The following UBR3 variants were observed in gnomAD, a reference collection of about 807,000 sequenced individuals.
The protein encoded by UBR3 is ubiquitin protein ligase E3 component n-recognin 3.
A neutral mutation model predicts 243.2 loss-of-function variants in UBR3; 85 were observed. The ratio of observed to expected loss-of-function variants is 0.35; its 90% CI spans 0.29 to 0.42. The LOEUF (loss-of-function observed/expected upper bound fraction) is 0.42. Ranked by LOEUF, UBR3 falls within the 10% of genes least tolerant of loss-of-function variation. The pLI, the probability that UBR3 is intolerant of heterozygous loss-of-function variation, is 1.00. For synonymous variants in UBR3, 748 were observed against 799.8 expected, an observed-to-expected ratio of 0.94 and a Z score of 1.09; for missense variants, 1,686 against 2,300.8, an observed-to-expected ratio of 0.73 and a Z score of 5.47.
intron 8 of UBR3, among the ~76,000 whole-genome samples, chr2:169,898,796 G>C (rs549290375): frequency 1.3e-5 from 2 of 149,670 alleles, no homozygotes; most frequent in Admixed American, 6.7e-5. Flanking sequence ...CTGCCTCCCA[G>C]GTTCACGCCA....
intron 5 of UBR3, among the ~76,000 whole-genome samples, chr2:169,890,135 C>CT (rs2084269652): frequency 6.6e-6 from 1 of 152,114 alleles, no homozygotes; most frequent in South Asian, 2.1e-4. Flanking sequence ...GGAAAAAACT[C>CT]TGAGTTCTGC....
rs536287197 is a variant in UBR3, at chr2:169,943,191, G to T, written c.2805+557G>T. Among the ~76,000 whole-genome samples the T allele has an allele frequency of 3.3e-5, 5 of 152,316 alleles. No individual in the cohort carries two copies. The East Asian group carries it at 9.6e-4, about 29-fold the overall frequency. ...TTGTTTTATTTTGGGATCTTCTCACGTAAGACAGATTTATTTGACTAACAT... is the reference window on the plus strand; with the variant it reads ...TTGTTTTATTTTGGGATCTTCTCACTTAAGACAGATTTATTTGACTAACAT... On this transcript the variant is annotated intron_variant, in intron 20 of 38. Transcript: ENST00000272793.
intron 35 of UBR3, among the ~76,000 whole-genome samples, chr2:170,071,438 G>T (rs555878511): frequency 6.6e-6 from 1 of 152,192 alleles, no homozygotes; most frequent in Non-Finnish European, 1.5e-5. Flanking sequence ...ATCAGTGGCT[G>T]TTTGGGTCCA....
chr2:169,922,288 T>TA (rs748782463), intron 11 of UBR3, among the ~76,000 whole-genome samples: 1,712 of 122,722 alleles, frequency 0.014, 22 homozygotes, highest in African/African-American at 0.038. Context: ...CCTGTCTATT[T>TA]AAAAAAAAAA....
chr2:170,041,303 G>A (rs199596222), intron 32 of UBR3, among the ~76,000 whole-genome samples: 1 of 152,130 alleles, frequency 6.6e-6, no homozygotes, highest in Non-Finnish European at 1.5e-5. Flanking sequence ...CAATGAAAAA[G>A]TGTTTTTTAA....
At chr2:169,998,697 C>T (rs1325134583) in intron 26 of UBR3, among the ~76,000 whole-genome samples, 1 of 152,174 alleles carries the variant, frequency 6.6e-6, no homozygotes, top group African/African-American at 2.4e-5. Flanking sequence ...ACTGTAGATT[C>T]TACTGTCTTC....
intron 8 of UBR3, among the ~76,000 whole-genome samples, chr2:169,903,689 A>G (rs974043545): frequency 6.6e-6 from 1 of 152,158 alleles, no homozygotes; most frequent in African/African-American, 2.4e-5. Context: ...TGACAGGTAG[A>G]TAGGTAGTTG....
chr2:169,956,418 G>A (rs953273825), intron 23 of UBR3, among the ~76,000 whole-genome samples: 3 of 151,802 alleles, frequency 2.0e-5, no homozygotes, highest in African/African-American at 7.3e-5. Context: ...GACACTCTGT[G>A]CTAGGACATG....
chr2:169,895,949 A>G (rs10179007), intron 7 of UBR3, among the ~76,000 whole-genome samples: 232 of 151,490 alleles, frequency 1.5e-3, no homozygotes, highest in African/African-American at 5.3e-3. Context: ...GTGTGTCTTT[A>G]TATCTGCTAA....
chr2:170,027,442 G>A (rs2090559558), intron 30 of UBR3, among the ~76,000 whole-genome samples: 1 of 151,650 alleles, frequency 6.6e-6, no homozygotes, highest in African/African-American at 2.4e-5. Flanking sequence ...CATTTTGAAA[G>A]TCTTAAATTA....
At chr2:169,881,212 C>G (rs1052996176) in intron 5 of UBR3, among the ~76,000 whole-genome samples, 2 of 151,980 alleles carry the variant, frequency 1.3e-5, no homozygotes, top group African/African-American at 4.8e-5. Context: ...TAGAGTCTTG[C>G]TACATTGCTC....
chr2:169,865,250 C>T (rs570286748), intron 1 of UBR3, among the ~76,000 whole-genome samples: 1 of 152,204 alleles, frequency 6.6e-6, no homozygotes, highest in Admixed American at 6.5e-5. Flanking sequence ...TGGGCTCAGG[C>T]AATCTTCCTG....
At chr2:170,058,815 C>T (rs1224197592) in intron 33 of UBR3, among the ~76,000 whole-genome samples, 1 of 152,130 alleles carries the variant, frequency 6.6e-6, no homozygotes, top group African/African-American at 2.4e-5. Context: ...CATGCCCAGC[C>T]TACTAGAATT....
intron 17 of UBR3, among the ~76,000 whole-genome samples, chr2:169,928,031 G>A (rs374778723): frequency 5.2e-4 from 79 of 152,260 alleles, no homozygotes; most frequent in African/African-American, 1.7e-3. Context: ...TATATCTTAT[G>A]ACTATGTTTG....
chr2:169,881,747 A>G (rs1315778158), intron 5 of UBR3, among the ~76,000 whole-genome samples: 1 of 139,144 alleles, frequency 7.2e-6, no homozygotes, highest in African/African-American at 2.6e-5. Flanking sequence ...TATATAATAT[A>G]TATTATATAT....
At chr2:169,946,003 G>A (rs12692927) in intron 20 of UBR3, among the ~76,000 whole-genome samples, 112,623 of 152,054 alleles carry the variant, frequency 0.74, 43,038 homozygotes, top group East Asian at 0.88. Flanking sequence ...CATTTGCATG[G>A]ATTATCCTAT....
chr2:169,905,048 G>A, intron 8 of UBR3, 66 bp from the exon 9 acceptor site: 1 of 1,323,950 alleles, frequency 7.6e-7, no homozygotes, highest in Non-Finnish European at 9.9e-7. Flanking sequence ...TATATATTCT[G>A]TATTATTGGT....
chr2:170,022,247 T>C (rs2090411435), intron 30 of UBR3, among the ~76,000 whole-genome samples: 2 of 149,778 alleles, frequency 1.3e-5, no homozygotes, highest in African/African-American at 5.0e-5. Flanking sequence ...ATAATAATAC[T>C]TGTGGATACT....
chr2:170,078,644 C>G (rs938757054), intron 36 of UBR3, among the ~76,000 whole-genome samples: 1 of 152,140 alleles, frequency 6.6e-6, no homozygotes, highest in Non-Finnish European at 1.5e-5. Context: ...AATACCACAG[C>G]TTTTTTCAGA....
Sources: allele counts gnomAD v4.1 joint callset (sites outside exome capture counted in the v4.1 genomes callset), GRCh38; gene constraint gnomAD v4.1.1; transcripts MANE v1.5; gene names NCBI Gene and HGNC (gene_info 2026-07-23, HGNC 2026-07-21).